The following NCOA7 variants were observed in gnomAD, a reference collection of about 807,000 sequenced individuals.
The protein encoded by NCOA7 is 140 kDa estrogen receptor-associated protein.
NCOA7 carries 45 observed loss-of-function variants against 104.3 expected under a neutral mutation model. The observed-to-expected ratio is 0.43, with a 90% CI of 0.34 to 0.55. The LOEUF (loss-of-function observed/expected upper bound fraction) is 0.55. Ranked by LOEUF, NCOA7 falls within the 20% of genes least tolerant of loss-of-function variation. The probability of loss-of-function intolerance (pLI) is 0.02; values close to 1 mark genes in which losing one functional copy is unlikely to be tolerated. For synonymous variants in NCOA7, 398 were observed against 402.3 expected (o/e 0.99, Z 0.13); for missense variants, 1,041 against 1,119.7 (o/e 0.93, Z 1.00).
intron 2 of NCOA7, among the ~76,000 whole-genome samples, chr6:125,842,188 C>G (rs1412747375): frequency 6.6e-6 from 1 of 152,172 alleles, no homozygotes; most frequent in Non-Finnish European, 1.5e-5. Context: ...AGTTTATATA[C>G]TAAACTGATT....
intron 1 of NCOA7, chr6:125,797,766 A>G (rs1235688734): frequency 1.3e-5 from 2 of 152,248 alleles, no homozygotes; most frequent in East Asian, 3.9e-4. Flanking sequence ...AGGTGTTTAC[A>G]GCTGAGCCCT....
chr6:125,867,055 A>C (rs188069945), intron 3 of NCOA7, among the ~76,000 whole-genome samples: 1 of 152,208 alleles, frequency 6.6e-6, no homozygotes, highest in Non-Finnish European at 1.5e-5. Flanking sequence ...ACTTCAGTTA[A>C]GCATTTTAAT....
At chr6:125,841,134 A>G (rs979150845) in intron 2 of NCOA7, among the ~76,000 whole-genome samples, 15 of 147,520 alleles carry the variant, frequency 1.0e-4, no homozygotes, top group African/African-American at 3.5e-4. Flanking sequence ...CTAGAGATCC[A>G]CTGCCTCGGC....
Position 125,889,442 on chromosome 6 carries a change from T to G in NCOA7, c.1388T>G (p.Val463Gly). 6.2e-7 allele frequency: 1 copy of G among 1,614,012 alleles called. No individual in the cohort carries two copies. Among genetic ancestry groups the G allele is most frequent in the Non-Finnish European group, 8.5e-7 (1 of 1,179,966 alleles). ...QINNSAVEMQ[V>G]QSALAFLGTE... ...AACAATTCTGCCGTGGAAATGCAGG[T>G]GCAGTCAGCCCTAGCCTTTTTGGGA... Residue 463 changes from valine to glycine, a missense_variant, in exon 9 of 16, where the codon GTG becomes GGG. Around this residue, in one of 2 missense-constraint regions of NCOA7, gnomAD observed 914 missense variants for 942.7 expected, o/e 0.97. Coordinates refer to ENST00000392477, the MANE Select transcript of NCOA7 (RefSeq NM_181782.5).
chr6:125,820,530 G>A (rs1299280078), intron 2 of NCOA7, among the ~76,000 whole-genome samples: 1 of 152,162 alleles, frequency 6.6e-6, no homozygotes, highest in East Asian at 1.9e-4. Flanking sequence ...TGAACCCACT[G>A]TATAGCTTTC....
rs1408113653 is a variant in NCOA7 at position 125,931,056 on chromosome 6, T to G, written c.*2285T>G. On this transcript the variant is annotated 3_prime_UTR_variant, in exon 16 of 16. Coordinates refer to ENST00000392477, the MANE Select transcript of NCOA7 (RefSeq NM_181782.5). ...ACCCTTCATTTATGGATATTGACTA[T>G]ATGTAATGCAGTGCTATCCCAATAT... The G allele has an allele frequency of 8.5e-5, 13 of 152,678 alleles. No individual in the cohort carries two copies. Among genetic ancestry groups the G allele is most frequent in the African/African-American group, 2.7e-4 (11 of 41,462 alleles). 9.5% of individuals were successfully genotyped at this position (152,678 alleles called of 1,614,324 possible).
intron 1 of NCOA7, among the ~76,000 whole-genome samples, chr6:125,811,452 G>A (rs936365544): frequency 2.6e-5 from 4 of 152,218 alleles, no homozygotes; most frequent in Admixed American, 2.6e-4. Flanking sequence ...ATATGATTAA[G>A]TGCCTTGCAG....
intron 10 of NCOA7, among the ~76,000 whole-genome samples, chr6:125,900,196 T>C (rs1785380019): frequency 6.6e-6 from 1 of 152,152 alleles, no homozygotes; most frequent in Admixed American, 6.5e-5. Context: ...TGTTGCTACA[T>C]CTTCTCATCT....
chr6:125,920,993 T>C lies in NCOA7; in HGVS notation c.2295T>C (p.Tyr765=). 6.2e-7 allele frequency: 1 copy of C among 1,613,882 alleles called. No individual in the cohort carries two copies. Among genetic ancestry groups the C allele is most frequent in the Non-Finnish European group, 8.5e-7 (1 of 1,179,842 alleles). ...GCAGGAAGAGCACATGCAGCTACTATGAAGACGAGGACGAAGAGGTGCTGC... is the reference window on the plus strand; with the variant it reads ...GCAGGAAGAGCACATGCAGCTACTACGAAGACGAGGACGAAGAGGTGCTGC... The part of the protein sequence containing the change: ...AKRRKSTCSY[Y]EDEDEEVLPV... Residue 765 remains tyrosine, a synonymous_variant, in exon 12 of 16, where the codon TAT becomes TAC. Coordinates refer to ENST00000392477, the MANE Select transcript of NCOA7 (RefSeq NM_181782.5).
intron 1 of NCOA7, among the ~76,000 whole-genome samples, chr6:125,801,344 A>G (rs193217328): frequency 6.6e-6 from 1 of 152,308 alleles, no homozygotes; most frequent in African/African-American, 2.4e-5. Context: ...GCAATTGGTA[A>G]ATAATGTTTA....
chr6:125,911,072 G>A (rs60586612), intron 10 of NCOA7, among the ~76,000 whole-genome samples: 23,826 of 152,200 alleles, frequency 0.16, 2,059 homozygotes, highest in African/African-American at 0.25. Flanking sequence ...ATTGTATGGA[G>A]GCTGCAAAGG....
intron 2 of NCOA7, among the ~76,000 whole-genome samples, chr6:125,820,554 T>G (rs1778078908): frequency 6.6e-6 from 1 of 152,218 alleles, no homozygotes; most frequent in Admixed American, 6.5e-5. Flanking sequence ...GTTGTGTGAA[T>G]AGTACACTTT....
intron 1 of NCOA7, among the ~76,000 whole-genome samples, chr6:125,803,203 A>G (rs1776071703): frequency 6.6e-6 from 1 of 152,118 alleles, no homozygotes; most frequent in South Asian, 2.1e-4. Context: ...TCCCACTTTT[A>G]AGACTTTCCC....
rs1463341524 is a variant in NCOA7, at chr6:125,784,985, T to TAAACACACAC, written c.-141-1150_-141-1141dup. On this transcript the variant is annotated intron_variant, in intron 1 of 16. Coordinates refer to the NCOA7 transcript ENST00000368357. ...ATACAAGATATGATAATGTTGCATATAAACACACACACACACACACACACA... is the reference window on the plus strand; with the variant it reads ...ATACAAGATATGATAATGTTGCATATAAACACACACAAACACACACACACACACACACACA... Among the ~76,000 whole-genome samples, 8 of 112,486 alleles carry TAAACACACAC rather than the reference T, an allele frequency of 7.1e-5. No homozygotes were observed. In the East Asian group the frequency reaches 2.8e-3, roughly 40 times the overall value. The allele number at this position is 112,486 out of a possible 152,430, so 73.8% of individuals were successfully genotyped here.
chr6:125,903,539 C>G (rs1000744687), intron 10 of NCOA7, among the ~76,000 whole-genome samples: 5 of 152,168 alleles, frequency 3.3e-5, no homozygotes, highest in African/African-American at 1.2e-4. Flanking sequence ...CACATACATT[C>G]CCTCCCTCAC....
chr6:125,827,215 AAGTG>A (rs1778747456), intron 2 of NCOA7, among the ~76,000 whole-genome samples: 1 of 144,822 alleles, frequency 6.9e-6, no homozygotes, highest in Non-Finnish European at 1.5e-5. Flanking sequence ...AAAAAAAAAA[AAGTG>A]AGAGTGAGCA....
intron 2 of NCOA7, among the ~76,000 whole-genome samples, chr6:125,834,344 A>T (rs1779433501): frequency 6.6e-6 from 1 of 152,162 alleles, no homozygotes; most frequent in Non-Finnish European, 1.5e-5. Flanking sequence ...AAGTTTGATT[A>T]AAAAAACGGA....
At chr6:125,795,706 C>T (rs1775252246) in intron 1 of NCOA7, among the ~76,000 whole-genome samples, 1 of 152,140 alleles carries the variant, frequency 6.6e-6, no homozygotes. Flanking sequence ...AAAACATTTC[C>T]ATCATACACA....
chr6:125,812,101 A>G (rs1199276866), intron 1 of NCOA7, among the ~76,000 whole-genome samples: 3 of 152,190 alleles, frequency 2.0e-5, no homozygotes, highest in Non-Finnish European at 4.4e-5. Flanking sequence ...TAAAAAGATA[A>G]CATAGGGATA....
Sources: gnomAD v4.1 joint callset for allele counts (sites outside exome capture counted in the v4.1 genomes callset) on GRCh38, gnomAD v4.1.1 for gene constraint, gnomAD v4.1.1 regional missense constraint, MANE v1.5 for transcripts, NCBI Gene and HGNC (gene_info 2026-07-23, HGNC 2026-07-21) for gene names.